The following FBXL7 variants were observed in gnomAD, a reference collection of about 807,000 sequenced individuals.
FBXL7 encodes the protein F-box/LRR-repeat protein 7.
In FBXL7, 12 loss-of-function variants were observed where a neutral mutation model predicts 38.3. The ratio of observed to expected loss-of-function variants is 0.31; its 90% CI spans 0.20 to 0.51. The LOEUF (loss-of-function observed/expected upper bound fraction) is 0.51. Ranked by LOEUF, FBXL7 falls within the 20% of genes least tolerant of loss-of-function variation. The pLI, the probability that FBXL7 is intolerant of heterozygous loss-of-function variation, is 0.98. For synonymous variants in FBXL7, 297 were observed against 300.9 expected (o/e 0.99, Z 0.13); for missense variants, 567 against 676.4 (o/e 0.84, Z 1.79).
intron 1 of FBXL7, among the ~76,000 whole-genome samples, chr5:15,535,594 C>T (rs1737562008): frequency 6.6e-6 from 1 of 152,086 alleles, no homozygotes; most frequent in Admixed American, 6.6e-5. Flanking sequence ...TGATTTAGGG[C>T]ATCTGGTGGA....
intron 2 of FBXL7, among the ~76,000 whole-genome samples, chr5:15,888,212 A>T (rs1022553409): frequency 1.4e-5 from 2 of 144,682 alleles, no homozygotes; most frequent in African/African-American, 5.0e-5. Flanking sequence ...TTATTTATTT[A>T]TTTATTTATT....
At chr5:15,751,038 A>ATT (rs556058085) in intron 2 of FBXL7, among the ~76,000 whole-genome samples, 98 of 150,220 alleles carry the variant, frequency 6.5e-4, no homozygotes, top group African/African-American at 2.2e-3. Context: ...AAGAATGATG[A>ATT]TTTTTTTTTT....
intron 2 of FBXL7, among the ~76,000 whole-genome samples, chr5:15,732,795 T>G (rs905659601): frequency 1.3e-5 from 2 of 152,182 alleles, no homozygotes; most frequent in Non-Finnish European, 2.9e-5. Context: ...GAAAACAAAA[T>G]GCCATCAAGG....
chr5:15,875,451 T>G (rs141752429), intron 2 of FBXL7, among the ~76,000 whole-genome samples: 2,118 of 152,184 alleles, frequency 0.014, 33 homozygotes, highest in East Asian at 0.079. Flanking sequence ...GAAACTATCA[T>G]CAGAGTGAAC....
chr5:15,641,882 T>TA (rs1263070715), intron 2 of FBXL7, among the ~76,000 whole-genome samples: 1 of 152,020 alleles, frequency 6.6e-6, no homozygotes, highest in Non-Finnish European at 1.5e-5. Flanking sequence ...GCCTTCATGT[T>TA]ATAATACATT....
chr5:15,627,749 A>G (rs996479090), intron 2 of FBXL7, among the ~76,000 whole-genome samples: 4 of 152,144 alleles, frequency 2.6e-5, no homozygotes, highest in South Asian at 2.1e-4. Context: ...ACATTTTAGG[A>G]CAAATAATCT....
chr5:15,616,087 T>C lies in FBXL7; in HGVS notation c.127+15T>C, dbSNP rs765590367. 1 of 1,574,518 alleles carries C rather than the reference T, an allele frequency of 6.4e-7. No individual in the cohort carries two copies. The highest frequency in any genetic ancestry group is 1.1e-5 in the South Asian group (1 of 90,064). On this transcript the variant is annotated intron_variant, in intron 2 of 3. Coordinates refer to ENST00000504595, the MANE Select transcript of FBXL7 (RefSeq NM_012304.5). ...TACCAGCGAAGGTAGGCAGCTGGTCTTCATTATCTCTCTTTCTTCTTCACA... is the reference window on the plus strand; with the variant it reads ...TACCAGCGAAGGTAGGCAGCTGGTCCTCATTATCTCTCTTTCTTCTTCACA...
chr5:15,629,098 T>C (rs967167653), intron 2 of FBXL7, among the ~76,000 whole-genome samples: 7 of 150,796 alleles, frequency 4.6e-5, no homozygotes, highest in African/African-American at 1.7e-4. Flanking sequence ...GGCAACAGGG[T>C]GAGACCTCGT....
At chr5:15,565,010 A>G (rs1257732203) in intron 1 of FBXL7, among the ~76,000 whole-genome samples, 1 of 152,178 alleles carries the variant, frequency 6.6e-6, no homozygotes, top group Non-Finnish European at 1.5e-5. Flanking sequence ...AATAGTAAAT[A>G]AAACCAAACA....
chr5:15,824,918 A>G (rs931678312), intron 2 of FBXL7, among the ~76,000 whole-genome samples: 3 of 152,226 alleles, frequency 2.0e-5, no homozygotes. Context: ...CTGAGAAGCT[A>G]GAAGAGTTTC....
At chr5:15,618,076 C>T (rs1490123210) in intron 2 of FBXL7, among the ~76,000 whole-genome samples, 1 of 151,926 alleles carries the variant, frequency 6.6e-6, no homozygotes, top group East Asian at 1.9e-4. Context: ...TTTTATGCTT[C>T]CAAAGGGGGA....
intron 2 of FBXL7, among the ~76,000 whole-genome samples, chr5:15,829,230 T>C (rs1738390926): frequency 1.3e-5 from 2 of 152,218 alleles, no homozygotes; most frequent in Non-Finnish European, 2.9e-5. Flanking sequence ...TTTATCCTTG[T>C]CTTCTACAGT....
At chr5:15,901,428 A>G (rs1011692884) in intron 2 of FBXL7, among the ~76,000 whole-genome samples, 2 of 152,214 alleles carry the variant, frequency 1.3e-5, no homozygotes, top group Non-Finnish European at 2.9e-5. Context: ...CCACTTGCAA[A>G]TATCAGCACA....
Position 15,938,966 on chromosome 5 carries a change from C to T in FBXL7, c.*1780C>T. The T allele has an allele frequency of 2.5e-6, 1 of 399,064 alleles. No homozygotes were observed. Among genetic ancestry groups the T allele is most frequent in the Non-Finnish European group, 4.4e-6 (1 of 226,068 alleles). 24.7% of individuals were successfully genotyped at this position (399,064 alleles called of 1,614,324 possible). A position where few individuals can be genotyped will look rare whatever the true frequency, so the allele number is the denominator to read the frequency against. ...TCTCAAAATGCCCATTATCCAAATGCAGAACCTCTGCATCTCCAAGCCAGT... is the reference window on the plus strand; with the variant it reads ...TCTCAAAATGCCCATTATCCAAATGTAGAACCTCTGCATCTCCAAGCCAGT... On this transcript the variant is annotated 3_prime_UTR_variant, in exon 4 of 4. Coordinates refer to ENST00000504595, the MANE Select transcript of FBXL7 (RefSeq NM_012304.5).
At chr5:15,829,499 A>C (rs1358798881) in intron 2 of FBXL7, among the ~76,000 whole-genome samples, 2 of 152,190 alleles carry the variant, frequency 1.3e-5, no homozygotes, top group Non-Finnish European at 2.9e-5. Context: ...AGCATGGTCC[A>C]ATATCATCTC....
intron 2 of FBXL7, among the ~76,000 whole-genome samples, chr5:15,735,206 T>C (rs1215714349): frequency 6.6e-6 from 1 of 152,218 alleles, no homozygotes; most frequent in Non-Finnish European, 1.5e-5. Context: ...GTGCTGGGAG[T>C]ATAGGCATGA....
At chr5:15,655,262 G>A (rs1316365531) in intron 2 of FBXL7, among the ~76,000 whole-genome samples, 2 of 152,158 alleles carry the variant, frequency 1.3e-5, no homozygotes, top group South Asian at 2.1e-4. Context: ...TTGAGAGGCC[G>A]TGGCGGGTGA....
At chr5:15,840,361 T>C (rs78788888) in intron 2 of FBXL7, among the ~76,000 whole-genome samples, 1 of 36,248 alleles carries the variant, frequency 2.8e-5, no homozygotes, top group Non-Finnish European at 1.1e-4. Flanking sequence ...CCCCTCCTCC[T>C]CATTCTTTTC....
intron 2 of FBXL7, among the ~76,000 whole-genome samples, chr5:15,914,790 G>A (rs1741538630): frequency 6.6e-6 from 1 of 152,196 alleles, no homozygotes; most frequent in Admixed American, 6.5e-5. Flanking sequence ...TGGTGCATTA[G>A]TTGAGCAGCT....
Sources: allele counts gnomAD v4.1 joint callset (sites outside exome capture counted in the v4.1 genomes callset), GRCh38; gene constraint gnomAD v4.1.1; transcripts MANE v1.5; gene names NCBI Gene and HGNC (gene_info 2026-07-23, HGNC 2026-07-21).